The following RBFOX2 variants were observed in gnomAD, a reference collection of about 807,000 sequenced individuals.
RBFOX2 encodes the protein RNA binding fox-1 homolog 2.
Under a neutral mutation model 49.1 loss-of-function variants are expected in RBFOX2, and 10 were observed. That is an observed-to-expected ratio of 0.20 (90% CI 0.13 to 0.35). RBFOX2 has a LOEUF of 0.35. RBFOX2 is among the 10% of genes least tolerant of loss of function. The pLI, the probability that RBFOX2 is intolerant of heterozygous loss-of-function variation, is 1.00. For synonymous variants in RBFOX2, 183 were observed against 187.4 expected, an observed-to-expected ratio of 0.98 and a Z score of 0.19; for missense variants, 323 against 486.9, an observed-to-expected ratio of 0.66 and a Z score of 3.17.
At chr22:35,895,694 T>G (rs1603442108) in intron 1 of RBFOX2, among the ~76,000 whole-genome samples, 2 of 152,188 alleles carry the variant, frequency 1.3e-5, no homozygotes, top group Non-Finnish European at 2.9e-5. Context: ...GCAGACGGGC[T>G]AAGGTGCACG....
intron 1 of RBFOX2, among the ~76,000 whole-genome samples, chr22:35,934,781 A>G (rs2052860376): frequency 6.6e-6 from 1 of 152,156 alleles, no homozygotes; most frequent in African/African-American, 2.4e-5. Flanking sequence ...GCACATAAGT[A>G]TTCTCCCACT....
At position 35,749,400 on chromosome 22, in the gene RBFOX2, GGATA is replaced by G. The variant is rs1934044269; in HGVS notation, c.888-2843_888-2840del. ...AACCTTTAAAAGATGAACTATTTTA[GGATA>G]GATAGGCAATATCCTACTAAACTAA... On this transcript the variant is annotated intron_variant, in intron 9 of 11. Transcript: ENST00000405409. This position sits in a 1 kb window ranked among gnomAD's most constrained non-coding sequence, Gnocchi z 4.1. Among the ~76,000 whole-genome samples, 1 of 151,928 alleles carries G rather than the reference GGATA, an allele frequency of 6.6e-6. No individual in the cohort carries two copies. The highest frequency in any genetic ancestry group is 2.1e-4 in the South Asian group (1 of 4,808).
intron 1 of RBFOX2, among the ~76,000 whole-genome samples, chr22:35,951,874 T>C (rs1444858855): frequency 2.0e-5 from 3 of 152,206 alleles, no homozygotes; most frequent in Non-Finnish European, 4.4e-5. Flanking sequence ...CCTAAGAACA[T>C]ATTTTTTAAA....
chr22:35,834,552 A>G (rs1259191794), intron 1 of RBFOX2, among the ~76,000 whole-genome samples: 1 of 152,160 alleles, frequency 6.6e-6, no homozygotes, highest in Non-Finnish European at 1.5e-5. Flanking sequence ...GAATGAAGGT[A>G]GGAGTGATGA....
chr22:35,814,672 C>CTGCATTCCA (rs1952605928), intron 1 of RBFOX2, among the ~76,000 whole-genome samples: 1 of 130,868 alleles, frequency 7.6e-6, no homozygotes, highest in African/African-American at 3.1e-5. Flanking sequence ...GATTATGGCA[C>CTGCATTCCA]TGCATTCCAG....
At chr22:35,862,017 A>C (rs1175991200) in intron 1 of RBFOX2, among the ~76,000 whole-genome samples, 3 of 152,214 alleles carry the variant, frequency 2.0e-5, no homozygotes, top group Non-Finnish European at 2.9e-5. Flanking sequence ...GAAAGAAGCC[A>C]CGCAAAACAG....
Position 35,861,464 on chromosome 22 carries a change from A to G in RBFOX2, c.-33-51460T>C, listed in dbSNP as rs145992454. On this transcript the variant is annotated intron_variant, in intron 1 of 13. Coordinates refer to the RBFOX2 transcript ENST00000359369. Reference sequence around the variant, plus strand: ...AAATTCAACCATAAGAAACAAAACAACCCACGTTTTTTAAAAAATGGGCAA... The same window carrying G: ...AAATTCAACCATAAGAAACAAAACAGCCCACGTTTTTTAAAAAATGGGCAA... Among the ~76,000 whole-genome samples the G allele has an allele frequency of 2.6e-4, 39 of 152,176 alleles. 1 individual carries two copies. The highest frequency in any genetic ancestry group is 2.6e-3 in the Admixed American group (39 of 15,268).
chr22:36,011,875 T>C (rs1311327730), intron 1 of RBFOX2, among the ~76,000 whole-genome samples: 5 of 152,200 alleles, frequency 3.3e-5, no homozygotes, highest in South Asian at 2.1e-4. Context: ...TCTGAGTTTA[T>C]TGTTTGTTGT....
intron 1 of RBFOX2, among the ~76,000 whole-genome samples, chr22:36,024,294 C>A (rs2059348953): frequency 6.6e-6 from 1 of 152,120 alleles, no homozygotes; most frequent in Non-Finnish European, 1.5e-5. Flanking sequence ...TAGAAGCTTA[C>A]AATCTTAGCA....
chr22:35,787,576 A>G (rs1036405997), intron 2 of RBFOX2, among the ~76,000 whole-genome samples: 1 of 152,214 alleles, frequency 6.6e-6, no homozygotes, highest in African/African-American at 2.4e-5. Flanking sequence ...CACAACTGGG[A>G]CATTCTCACT....
chr22:35,827,011 TG>T (rs1163783856), intron 1 of RBFOX2, among the ~76,000 whole-genome samples: 1 of 152,212 alleles, frequency 6.6e-6, no homozygotes, highest in African/African-American at 2.4e-5. Flanking sequence ...TGGTCACAGT[TG>T]CTCTATGTTA....
intron 1 of RBFOX2, among the ~76,000 whole-genome samples, chr22:35,888,686 G>C (rs2046893823): frequency 6.6e-6 from 1 of 152,126 alleles, no homozygotes; most frequent in Non-Finnish European, 1.5e-5. Context: ...CTAAACTCAG[G>C]CTTCTGCCCT....
upstream of RBFOX2, among the ~76,000 whole-genome samples, chr22:35,962,272 A>G (rs1281675772): frequency 6.6e-6 from 1 of 152,210 alleles, no homozygotes; most frequent in Non-Finnish European, 1.5e-5. Flanking sequence ...AAGACTGCAC[A>G]CTTCAGTGAT....
chr22:35,901,193 C>T (rs577936559), intron 1 of RBFOX2, among the ~76,000 whole-genome samples: 2 of 152,204 alleles, frequency 1.3e-5, no homozygotes, highest in East Asian at 1.9e-4. Flanking sequence ...GAATAAAGAG[C>T]CAAAAGTTCA....
chr22:35,873,971 G>A (rs895509448), intron 1 of RBFOX2, among the ~76,000 whole-genome samples: 6 of 152,122 alleles, frequency 3.9e-5, no homozygotes, highest in Non-Finnish European at 7.3e-5. Flanking sequence ...CATGGCGCCC[G>A]GCCATAACTA....
chr22:35,810,660 C>T (rs1951697902), intron 1 of RBFOX2, among the ~76,000 whole-genome samples: 1 of 152,044 alleles, frequency 6.6e-6, no homozygotes, highest in Admixed American at 6.6e-5. Context: ...AAAGTAAGTC[C>T]AAGTCTTTAG....
intron 1 of RBFOX2, among the ~76,000 whole-genome samples, chr22:36,012,713 T>C (rs927665905): frequency 3.3e-5 from 5 of 152,298 alleles, no homozygotes; most frequent in South Asian, 2.1e-4. Flanking sequence ...TTTAAAAAAA[T>C]AGATTGTATA....
intron 9 of RBFOX2, chr22:35,747,697 A>G (rs1933287426): frequency 6.6e-6 from 1 of 152,208 alleles, no homozygotes. Context: ...GCAAATTTTT[A>G]TTATTGGCCT....
chr22:35,873,970 C>T (rs1174694036), intron 1 of RBFOX2, among the ~76,000 whole-genome samples: 2 of 152,104 alleles, frequency 1.3e-5, no homozygotes, highest in East Asian at 1.9e-4. Flanking sequence ...CCATGGCGCC[C>T]GGCCATAACT....
Sources: gnomAD v4.1 joint callset for allele counts (sites outside exome capture counted in the v4.1 genomes callset) on GRCh38, gnomAD v4.1.1 for gene constraint, Gnocchi (gnomAD v3.1) non-coding constraint, MANE v1.5 for transcripts, NCBI Gene and HGNC (gene_info 2026-07-23, HGNC 2026-07-21) for gene names.